ABHD4: variants seen among roughly 807,000 people sequenced by gnomAD.
The protein encoded by ABHD4 is abhydrolase domain containing 4, N-acyl phospholipase B, also known as (Lyso)-N-acylphosphatidylethanolamine lipase.
Under a neutral mutation model 42.3 loss-of-function variants are expected in ABHD4, and 35 were observed. That is an observed-to-expected ratio of 0.83 (90% confidence interval 0.63 to 1.10). The LOEUF (loss-of-function observed/expected upper bound fraction) is 1.10. Ranked by LOEUF, ABHD4 falls within the 50% of genes least tolerant of loss-of-function variation. The pLI is 0.00. For synonymous variants in ABHD4, 169 were observed against 170.6 expected, an observed-to-expected ratio of 0.99 and a Z score of 0.07; for missense variants, 389 against 454.8, an observed-to-expected ratio of 0.86 and a Z score of 1.32.
At chr14:22,604,155 C>A in intron 4 of ABHD4, 76 bp downstream of exon 4, 1 of 1,522,060 alleles carries the variant, frequency 6.6e-7, no homozygotes, top group Non-Finnish European at 9.0e-7. Context: ...CCCACTTATT[C>A]CTAAAAAGTG....
chr14:22,598,546 G>T (rs753586490), intron 1 of ABHD4: 3 of 1,373,438 alleles, frequency 2.2e-6, no homozygotes, highest in Non-Finnish European at 3.0e-6. Flanking sequence ...GCGCTCGCCC[G>T]CAGCCCGGGG....
intron 4 of ABHD4, among the ~76,000 whole-genome samples, chr14:22,606,031 T>C (rs986604005): frequency 9.9e-5 from 15 of 152,092 alleles, no homozygotes; most frequent in Non-Finnish European, 2.2e-4. Flanking sequence ...CATCAGAAGA[T>C]TAAAAGGCCA....
At chr14:22,609,565 G>A in intron 5 of ABHD4, 159 bp from the exon 6 acceptor site, 1 of 709,558 alleles carries the variant, frequency 1.4e-6, no homozygotes. Flanking sequence ...GGAGGCCTCT[G>A]GAATTTTGGT....
At chr14:22,598,541 C>T (rs1445499533) in intron 1 of ABHD4, 4 of 1,415,894 alleles carry the variant, frequency 2.8e-6, no homozygotes, top group Admixed American at 2.0e-5. Flanking sequence ...GAGACGCGCT[C>T]GCCCGCAGCC....
At position 22,610,246 on chromosome 14, in the gene ABHD4, G is replaced by A. The variant is rs138501509; in HGVS notation, c.939+336G>A. ...CTAATTTTGTATTTTTAGTAGAGACGAGGTTTCTCCATGTTGGTCAGGCTG... is the reference window on the plus strand; with the variant it reads ...CTAATTTTGTATTTTTAGTAGAGACAAGGTTTCTCCATGTTGGTCAGGCTG... On this transcript the variant is annotated intron_variant, in intron 6 of 6. Coordinates refer to ENST00000428304, the MANE Select transcript of ABHD4 (RefSeq NM_022060.3). 5.9e-3 allele frequency among the ~76,000 whole-genome samples: 899 copies of A among 152,142 alleles called. 6 individuals are homozygous for A. Among genetic ancestry groups the A allele is most frequent in the African/African-American group, 0.02 (845 of 41,468 alleles).
In ABHD4 at chr14:22,610,916, G is replaced by A. The variant is rs748555687; in HGVS notation, c.997G>A (p.Val333Met). The change falls in exon 7 of 7, where the codon GTG (valine) becomes ATG (methionine). Residue 333 changes from valine (V) to methionine (M), a missense_variant. Coordinates refer to ENST00000428304, the MANE Select transcript of ABHD4 (RefSeq NM_022060.3). ...YADQPHIFNA[V>M]VEEICDSVD ...TGACCAGCCACACATCTTCAATGCTGTGGTGGAGGAGATCTGCGACTCAGT... is the reference window on the plus strand; with the variant it reads ...TGACCAGCCACACATCTTCAATGCTATGGTGGAGGAGATCTGCGACTCAGT... 10 of 1,614,138 alleles carry A rather than the reference G, an allele frequency of 6.2e-6. No individual in the cohort carries two copies. Among genetic ancestry groups the A allele is most frequent in the Non-Finnish European group, 8.5e-6 (10 of 1,180,026 alleles).
rs973753751 is a variant in ABHD4 at position 22,611,921 on chromosome 14, A to C, written c.*973A>C. ...TGGCTCCTGGTGAAGAGAGGGTGGA[A>C]AGGCCCTTCAGCCCCAGGGCCATGT... is the stretch of plus-strand genomic sequence containing the variant. On this transcript the variant is annotated 3_prime_UTR_variant, in exon 7 of 7. Coordinates refer to ENST00000428304, the MANE Select transcript of ABHD4 (RefSeq NM_022060.3). 1 of 152,828 alleles carries C rather than the reference A, an allele frequency of 6.5e-6. No individual in the cohort carries two copies. Among genetic ancestry groups the C allele is most frequent in the South Asian group, 2.1e-4 (1 of 4,840 alleles). The allele number at this position is 152,828 out of a possible 1,614,324, so 9.5% of individuals were successfully genotyped here. A position where few individuals can be genotyped will look rare whatever the true frequency, so the allele number is the denominator to read the frequency against.
intron 4 of ABHD4, among the ~76,000 whole-genome samples, chr14:22,604,491 C>T (rs1421914847): frequency 2.6e-5 from 4 of 152,200 alleles, no homozygotes; most frequent in Non-Finnish European, 5.9e-5. Context: ...TCGTGATCCG[C>T]CTGCCTCGGC....
Position 22,603,314 on chromosome 14 carries a change from G to A in ABHD4, c.113-76G>A, listed in dbSNP as rs1281917691. On this transcript the variant is annotated intron_variant, in intron 2 of 6. Transcript: ENST00000428304. The stretch of plus-strand genomic sequence containing the variant: ...GGTTCGGGAATGGAGAGAATGTGAA[G>A]AGTGGTAGTCCAGGCAAAATGATGA... 7 of 1,567,720 alleles carry A rather than the reference G, an allele frequency of 4.5e-6. No individual in the cohort carries two copies. In the East Asian group the frequency reaches 1.6e-4, roughly 35 times the overall value.
At position 22,612,135 on chromosome 14, in the gene ABHD4, C is replaced by T. The variant is rs2037422217; in HGVS notation, c.*1187C>T. 6.5e-6 allele frequency: 1 copy of T among 152,834 alleles called. No homozygotes were observed. Among genetic ancestry groups the T allele is most frequent in the Non-Finnish European group, 1.5e-5 (1 of 68,328 alleles). The allele number at this position is 152,834 out of a possible 1,614,324, so 9.5% of individuals were successfully genotyped here. A position where few individuals can be genotyped will look rare whatever the true frequency, so the allele number is the denominator to read the frequency against. On this transcript the variant is annotated 3_prime_UTR_variant, in exon 7 of 7. Coordinates refer to ENST00000428304, the MANE Select transcript of ABHD4 (RefSeq NM_022060.3). ...CCATCTGTCCCCATGGTTTCCAGCT[C>T]AATCCACCCCTGACCCATCTGTCAG...
intron 1 of ABHD4, chr14:22,598,555 G>A: frequency 9.9e-6 from 13 of 1,314,404 alleles, no homozygotes; most frequent in Non-Finnish European, 1.4e-5. Context: ...CGCAGCCCGG[G>A]GATCCTGGCT....
chr14:22,604,155 C>T, intron 4 of ABHD4, 76 bp downstream of exon 4: 1 of 1,522,060 alleles, frequency 6.6e-7, no homozygotes, highest in Non-Finnish European at 9.0e-7. Context: ...CCCACTTATT[C>T]CTAAAAAGTG....
At chr14:22,598,476 T>G in intron 1 of ABHD4, 147 bp downstream of exon 1, 6 of 1,522,894 alleles carry the variant, frequency 3.9e-6, no homozygotes, top group East Asian at 2.5e-5. Flanking sequence ...GGTGGGTGCG[T>G]TGCTTGCTTT....
At chr14:22,608,448 G>C (rs948577257) in intron 5 of ABHD4, among the ~76,000 whole-genome samples, 2 of 152,206 alleles carry the variant, frequency 1.3e-5, no homozygotes, top group Non-Finnish European at 2.9e-5. Context: ...GAGTGAAATA[G>C]ATTACATTGG....
rs961471103 is a variant in ABHD4 at position 22,604,067 on chromosome 14, G to A, written c.628G>A (p.Ala210Thr). The part of the protein sequence containing the change: ...RSNPLAVLRV[A>T]GPWGPGLVQR... ...CAATCCATTGGCTGTTCTTCGAGTAGCTGGGCCCTGGGGTGAGTAGCCTGT... is the reference window on the plus strand; with the variant it reads ...CAATCCATTGGCTGTTCTTCGAGTAACTGGGCCCTGGGGTGAGTAGCCTGT... Residue 210 changes from alanine to threonine, a missense_variant, in exon 4 of 7, where the codon GCT becomes ACT. Ala to Thr is a moderately conservative substitution (Grantham distance 58). Transcript: ENST00000428304. The A allele has an allele frequency of 1.2e-6, 2 of 1,614,094 alleles. No individual in the cohort carries two copies. The highest frequency in any genetic ancestry group is 3.3e-5 in the Admixed American group (2 of 60,008).
intron 4 of ABHD4, among the ~76,000 whole-genome samples, chr14:22,605,167 C>T (rs2037334908): frequency 6.6e-6 from 1 of 152,238 alleles, no homozygotes; most frequent in African/African-American, 2.4e-5. Context: ...GGTGGAGGAC[C>T]ATGGGGAGCT....
intron 5 of ABHD4, among the ~76,000 whole-genome samples, chr14:22,608,395 C>A (rs996277724): frequency 6.6e-6 from 1 of 152,196 alleles, no homozygotes; most frequent in Non-Finnish European, 1.5e-5. Context: ...GTGGACACCT[C>A]ATGATACGGC....
At chr14:22,598,462 G>T (rs766232608) in intron 1 of ABHD4, 133 bp downstream of exon 1, 111 of 1,537,060 alleles carry the variant, frequency 7.2e-5, no homozygotes, top group Middle Eastern at 1.7e-4. Context: ...CGGGGAGGGC[G>T]GGGGGTGGGT....
At chr14:22,602,501 C>G (rs1464019966) in intron 2 of ABHD4, among the ~76,000 whole-genome samples, 1 of 152,204 alleles carries the variant, frequency 6.6e-6, no homozygotes, top group Non-Finnish European at 1.5e-5. Context: ...TGCTGTCACA[C>G]CAGCAGAACA....
Sources: allele counts gnomAD v4.1 joint callset (sites outside exome capture counted in the v4.1 genomes callset), GRCh38; gene constraint gnomAD v4.1.1; transcripts MANE v1.5; gene names NCBI Gene and HGNC (gene_info 2026-07-23, HGNC 2026-07-21).